The following UBA2 variants were observed in gnomAD, a reference collection of about 807,000 sequenced individuals.
The protein encoded by UBA2 is ubiquitin like modifier activating enzyme 2.
Under a neutral mutation model 77.2 loss-of-function variants are expected in UBA2, and 11 were observed. The observed-to-expected ratio is 0.14, with a 90% CI of 0.09 to 0.24. The LOEUF (loss-of-function observed/expected upper bound fraction) is 0.24. Among genes scored for constraint, UBA2 ranks in the 10% least tolerant of loss-of-function variants. The pLI is 1.00. For missense variants in UBA2, 487 were observed against 781.7 expected (o/e 0.62, Z 4.50); for synonymous variants, 278 against 276.7 (o/e 1.00, Z -0.05).
At chr19:34,441,427 C>G (rs1014466220) in intron 6 of UBA2, among the ~76,000 whole-genome samples, 5 of 151,762 alleles carry the variant, frequency 3.3e-5, no homozygotes, top group African/African-American at 1.2e-4. Flanking sequence ...TGCACTCCAG[C>G]CTGGGCGACA....
At chr19:34,445,575 A>G (rs1334653065) in intron 8 of UBA2, among the ~76,000 whole-genome samples, 3 of 151,044 alleles carry the variant, frequency 2.0e-5, no homozygotes, top group Non-Finnish European at 1.5e-5. Flanking sequence ...AGTAGCTGGG[A>G]TTACAGGTGT....
In UBA2 at chr19:34,438,642, T is replaced by C. The variant is rs2075335931; in HGVS notation, c.460-3T>C. ...AAATTTTTCTCATATCCTGACTTCA[T>C]AGGGTGTGACCGAGTGTTATGAGTG... On this transcript the variant is annotated splice_polypyrimidine_tract_variant and splice_region_variant and intron_variant, in intron 5 of 16. Transcript: ENST00000246548. 1.9e-6 allele frequency: 3 copies of C among 1,613,692 alleles called. No homozygotes were observed. Among genetic ancestry groups the C allele is most frequent in the Non-Finnish European group, 1.7e-6 (2 of 1,179,876 alleles).
chr19:34,468,606 C>CAG (rs2075710715), intron 16 of UBA2, among the ~76,000 whole-genome samples: 2 of 152,268 alleles, frequency 1.3e-5, no homozygotes, highest in East Asian at 3.9e-4. Flanking sequence ...TCCTGGAAAG[C>CAG]AGATACTCAT....
intron 15 of UBA2, among the ~76,000 whole-genome samples, chr19:34,465,061 C>T (rs2075673310): frequency 6.6e-6 from 1 of 152,138 alleles, no homozygotes; most frequent in Non-Finnish European, 1.5e-5. Flanking sequence ...ATTGTCTGTA[C>T]AGATTCCTGA....
chr19:34,448,207 T>G (rs1259517194), intron 8 of UBA2, among the ~76,000 whole-genome samples: 1 of 152,142 alleles, frequency 6.6e-6, no homozygotes, highest in East Asian at 1.9e-4. Context: ...AGTGCCAGAA[T>G]AATCTGGAGT....
rs773178552 is a variant in UBA2 at position 34,451,536 on chromosome 19, GTTTTTTTTTTTTTTT to G, written c.872-430_872-416del. Among the ~76,000 whole-genome samples the G allele has an allele frequency of 7.0e-4, 44 of 62,966 alleles. No homozygotes were observed. The Admixed American group carries it at 9.6e-3, about 14-fold the overall frequency. The allele number at this position is 62,966 out of a possible 152,430, so 41.3% of individuals were successfully genotyped here. ...TACCTTTCCTATCTCAGGTTTAACA[GTTTTTTTTTTTTTTT>G]TTTTTTTTTTTTTTGAGACAGAGTC... On this transcript the variant is annotated intron_variant, in intron 9 of 16. Coordinates refer to ENST00000246548, the MANE Select transcript of UBA2 (RefSeq NM_005499.3).
At chr19:34,457,792 T>A (rs902227722) in intron 12 of UBA2, among the ~76,000 whole-genome samples, 1 of 152,238 alleles carries the variant, frequency 6.6e-6, no homozygotes, top group Non-Finnish European at 1.5e-5. Flanking sequence ...TTGTTTCTGT[T>A]GGATCTTGCT....
chr19:34,431,268 T>TTA (rs11417384), intron 2 of UBA2, among the ~76,000 whole-genome samples: 8 of 139,756 alleles, frequency 5.7e-5, no homozygotes, highest in African/African-American at 1.4e-4. Context: ...TTTTTTTTTT[T>TTA]AGAGATAGGG....
chr19:34,466,125 G>C (rs2075684966), intron 15 of UBA2, among the ~76,000 whole-genome samples: 1 of 151,822 alleles, frequency 6.6e-6, no homozygotes. Flanking sequence ...CACAGGCTCA[G>C]GGGTTCAAAA....
intron 1 of UBA2, chr19:34,429,239 T>G (rs2075224175): frequency 1.0e-6 from 1 of 985,318 alleles, no homozygotes; most frequent in African/African-American, 1.7e-5. Flanking sequence ...CTCGCTTGTT[T>G]CATTAAAGAC....
At chr19:34,450,742 C>CTTTTTTTTTTTTTT (rs59580124) in intron 9 of UBA2, among the ~76,000 whole-genome samples, 29 of 83,430 alleles carry the variant, frequency 3.5e-4, no homozygotes, top group South Asian at 1.0e-3. Flanking sequence ...TTATGTATAT[C>CTTTTTTTTTTTTTT]TTTTTTTTTT....
At chr19:34,452,258 T>C in intron 10 of UBA2, 111 bp downstream of exon 10, 1 of 991,590 alleles carries the variant, frequency 1.0e-6, no homozygotes, top group Non-Finnish European at 1.4e-6. Flanking sequence ...TTTGAGGAAA[T>C]ATATTGATTT....
At chr19:34,467,879 T>C (rs2075704326) in intron 16 of UBA2, among the ~76,000 whole-genome samples, 1 of 152,354 alleles carries the variant, frequency 6.6e-6, no homozygotes, top group African/African-American at 2.4e-5. Flanking sequence ...GATAGTTTAC[T>C]AGTGTGCAAA....
intron 5 of UBA2, among the ~76,000 whole-genome samples, chr19:34,435,313 A>C (rs923374446): frequency 2.0e-5 from 3 of 152,150 alleles, no homozygotes; most frequent in African/African-American, 7.2e-5. Context: ...CAGGCGAATC[A>C]CTTGAACCTG....
intron 5 of UBA2, among the ~76,000 whole-genome samples, chr19:34,436,131 AC>A (rs1221392638): frequency 4.1e-5 from 6 of 145,344 alleles, no homozygotes; most frequent in African/African-American, 1.2e-4. Context: ...AAAAAAAAAA[AC>A]CAAAAAATTC....
chr19:34,456,215 A>G (rs1175508771), intron 12 of UBA2, among the ~76,000 whole-genome samples: 1 of 140,118 alleles, frequency 7.1e-6, no homozygotes, highest in Non-Finnish European at 1.5e-5. Context: ...GCTGGGTTCT[A>G]GCGATTCTCC....
At chr19:34,455,198 G>C (rs1301126727) in intron 12 of UBA2, among the ~76,000 whole-genome samples, 1 of 152,136 alleles carries the variant, frequency 6.6e-6, no homozygotes, top group African/African-American at 2.4e-5. Flanking sequence ...CAATACCTAT[G>C]TATTCAGACC....
chr19:34,457,187 T>A (rs1476458004), intron 12 of UBA2, among the ~76,000 whole-genome samples: 14 of 120,244 alleles, frequency 1.2e-4, no homozygotes, highest in Admixed American at 3.3e-4. Context: ...AAAATATATA[T>A]ATATATATAT....
At chr19:34,444,947 A>T in intron 7 of UBA2, 53 bp from the exon 8 acceptor site, 2 of 1,555,596 alleles carry the variant, frequency 1.3e-6, no homozygotes, top group Non-Finnish European at 1.7e-6. Context: ...GAGTGAAAAG[A>T]GTTCAGTTCT....
Sources: gnomAD v4.1 joint callset for allele counts (sites outside exome capture counted in the v4.1 genomes callset) on GRCh38, gnomAD v4.1.1 for gene constraint, MANE v1.5 for transcripts, NCBI Gene and HGNC (gene_info 2026-07-23, HGNC 2026-07-21) for gene names.